PIP5K1B: variants seen among roughly 807,000 people sequenced by gnomAD.
PIP5K1B encodes the protein phosphatidylinositol 4-phosphate 5-kinase type-1 beta.
In PIP5K1B, 42 loss-of-function variants were observed where a neutral mutation model predicts 67.0. The observed-to-expected ratio is 0.63, with a 90% CI of 0.49 to 0.81. The LOEUF is 0.81. Among genes scored for constraint, PIP5K1B ranks in the 30% least tolerant of loss-of-function variants. PIP5K1B has a pLI of 0.00. For synonymous variants in PIP5K1B, 214 were observed against 231.4 expected (o/e 0.92, Z 0.68); for missense variants, 459 against 646.3 (o/e 0.71, Z 3.14).
Position 69,002,356 on chromosome 9 carries a change from G to C in PIP5K1B, c.1621-6091G>C, listed in dbSNP as rs115855435. The stretch of plus-strand genomic sequence containing the variant: ...GTACAAAGGTAGGAAATTTGGATCT[G>C]AGCGTGCCTAAGTTTCCTTTCGGCA... On this transcript the variant is annotated intron_variant, in intron 15 of 15. Coordinates refer to ENST00000265382, the MANE Select transcript of PIP5K1B (RefSeq NM_003558.4). Among the ~76,000 whole-genome samples the C allele has an allele frequency of 3.2e-3, 481 of 152,292 alleles. 1 individual carries two copies. The highest frequency in any genetic ancestry group is 0.011 in the African/African-American group (451 of 41,550).
At chr9:68,822,537 C>G (rs75598305) in intron 3 of PIP5K1B, 78 bp from the exon 4 acceptor site, 20 of 1,029,350 alleles carry the variant, frequency 1.9e-5, no homozygotes, top group Non-Finnish European at 2.6e-5. Flanking sequence ...AAAATAGATC[C>G]TTTGGTTAGC....
At chr9:68,968,529 A>G (rs577665938) in intron 14 of PIP5K1B, among the ~76,000 whole-genome samples, 153 of 150,826 alleles carry the variant, frequency 1.0e-3, no homozygotes, top group Non-Finnish European at 1.9e-3. Flanking sequence ...AACCTGTTCT[A>G]ATAACTGCTT....
intron 2 of PIP5K1B, among the ~76,000 whole-genome samples, 157 bp downstream of exon 2, chr9:68,742,814 A>G (rs1474460810): frequency 6.6e-6 from 1 of 152,188 alleles, no homozygotes; most frequent in Non-Finnish European, 1.5e-5. Context: ...GCCTGTAGAA[A>G]GAGGTGCCCC....
chr9:68,966,874 T>C (rs989010145), intron 14 of PIP5K1B: 7 of 152,224 alleles, frequency 4.6e-5, no homozygotes, highest in Non-Finnish European at 1.0e-4. Context: ...CTTGAGGCTT[T>C]ACTTGAAATG....
intron 6 of PIP5K1B, among the ~76,000 whole-genome samples, chr9:68,877,842 C>T (rs1177177229): frequency 6.6e-6 from 1 of 152,132 alleles, no homozygotes; most frequent in Non-Finnish European, 1.5e-5. Flanking sequence ...TTCCTCAAGG[C>T]ACATCAATAA....
chr9:68,794,725 C>G (rs1832192035), intron 2 of PIP5K1B, among the ~76,000 whole-genome samples: 2 of 150,770 alleles, frequency 1.3e-5, no homozygotes. Context: ...AGTTCATTGT[C>G]TTCTTAGATT....
chr9:68,801,466 G>A (rs113367244), intron 2 of PIP5K1B, among the ~76,000 whole-genome samples: 1 of 152,144 alleles, frequency 6.6e-6, no homozygotes, highest in South Asian at 2.1e-4. Context: ...TGAGACATCC[G>A]CACAGTGGTG....
intron 4 of PIP5K1B, among the ~76,000 whole-genome samples, chr9:68,833,568 C>CA (rs1236788499): frequency 7.2e-5 from 11 of 151,988 alleles, no homozygotes; most frequent in African/African-American, 2.4e-4. Context: ...ACTGCCCCCC[C>CA]ACCCCCCGAC....
intron 1 of PIP5K1B, among the ~76,000 whole-genome samples, chr9:68,717,411 A>G (rs1301423876): frequency 6.6e-6 from 1 of 152,204 alleles, no homozygotes; most frequent in East Asian, 1.9e-4. Flanking sequence ...AGAGAAAAAT[A>G]CCAACTTGTC....
At chr9:68,847,884 T>C (rs571965038) in intron 4 of PIP5K1B, among the ~76,000 whole-genome samples, 23 of 152,184 alleles carry the variant, frequency 1.5e-4, no homozygotes, top group Non-Finnish European at 8.8e-5. Flanking sequence ...AAACAAGCAG[T>C]TGGAGTAGCC....
In PIP5K1B at chr9:68,721,748, A is replaced by C. The variant is rs1402486785; in HGVS notation, c.-243+15986A>C. On this transcript the variant is annotated intron_variant, in intron 1 of 15. Coordinates refer to ENST00000265382, the MANE Select transcript of PIP5K1B (RefSeq NM_003558.4). ...AAGAGAAGCTGTGTGTAAGTGTGGA[A>C]GAGGCCATGATGAAGACACAGTATT... Among the ~76,000 whole-genome samples, 8 of 152,260 alleles carry C rather than the reference A, an allele frequency of 5.3e-5. No individual in the cohort carries two copies. In the South Asian group the frequency reaches 1.7e-3, roughly 32 times the overall value.
At chr9:68,790,609 CAT>C (rs1554715196) in intron 2 of PIP5K1B, among the ~76,000 whole-genome samples, 4 of 152,084 alleles carry the variant, frequency 2.6e-5, no homozygotes, top group African/African-American at 7.2e-5. Context: ...CACACACACA[CAT>C]ACACACACGC....
chr9:68,934,789 T>C, intron 12 of PIP5K1B, 101 bp from the exon 13 acceptor site: 2 of 822,580 alleles, frequency 2.4e-6, no homozygotes, highest in South Asian at 6.5e-5. Context: ...ATTCAAATAA[T>C]AACTAAAATG....
Position 68,729,146 on chromosome 9 carries a change from T to C in PIP5K1B, c.-242-13355T>C, listed in dbSNP as rs549100118. On this transcript the variant is annotated intron_variant, in intron 1 of 15. Coordinates refer to ENST00000265382, the MANE Select transcript of PIP5K1B (RefSeq NM_003558.4). ...AAAGTAATAATTGCAAGAAATGCAT[T>C]AGGGTACTGGTATATGGGGGTTGCA... Among the ~76,000 whole-genome samples, 6 of 152,154 alleles carry C rather than the reference T, an allele frequency of 3.9e-5. No individual in the cohort carries two copies. The South Asian group carries it at 1.2e-3, about 32-fold the overall frequency.
intron 2 of PIP5K1B, among the ~76,000 whole-genome samples, chr9:68,761,855 C>T (rs1422194198): frequency 1.3e-5 from 2 of 152,188 alleles, no homozygotes; most frequent in African/African-American, 2.4e-5. Flanking sequence ...TTCCCCTTGC[C>T]GTGTGATAGA....
At chr9:68,887,801 G>C (rs769883206) in intron 6 of PIP5K1B, among the ~76,000 whole-genome samples, 3 of 152,112 alleles carry the variant, frequency 2.0e-5, no homozygotes, top group Non-Finnish European at 2.9e-5. Context: ...GAGGAATCAA[G>C]GATGATGCCC....
chr9:68,941,071 A>G, intron 14 of PIP5K1B: 1 of 519,614 alleles, frequency 1.9e-6, no homozygotes, highest in Non-Finnish European at 3.7e-6. Context: ...TATTTTAGTA[A>G]ATTTTTTAGG....
At chr9:68,747,399 G>A (rs1829371448) in intron 2 of PIP5K1B, among the ~76,000 whole-genome samples, 1 of 151,672 alleles carries the variant, frequency 6.6e-6, no homozygotes, top group African/African-American at 2.4e-5. Flanking sequence ...GTTATAAAGT[G>A]CGCGCTGTAA....
At chr9:68,872,744 A>G (rs1032179400) in intron 5 of PIP5K1B, among the ~76,000 whole-genome samples, 4 of 152,222 alleles carry the variant, frequency 2.6e-5, no homozygotes, top group African/African-American at 9.6e-5. Context: ...GACATCCCCT[A>G]CACAGCATTC....
Sources: allele counts gnomAD v4.1 joint callset (sites outside exome capture counted in the v4.1 genomes callset), GRCh38; gene constraint gnomAD v4.1.1; transcripts MANE v1.5; gene names NCBI Gene and HGNC (gene_info 2026-07-23, HGNC 2026-07-21).